Variants in NTSR1 observed in about 807,000 individuals in gnomAD.
NTSR1 encodes the protein neurotensin receptor type 1.
NTSR1 carries 29 observed loss-of-function variants against 31.2 expected under a neutral mutation model. The observed-to-expected ratio is 0.93, with a 90% CI of 0.69 to 1.27. The LOEUF is 1.27. Ranked by LOEUF, NTSR1 falls within the 50% of genes most tolerant of loss-of-function variation. NTSR1 has a pLI of 0.00. For synonymous variants in NTSR1, 282 were observed against 269.9 expected, an observed-to-expected ratio of 1.04 and a Z score of -0.44; for missense variants, 697 against 595.4, an observed-to-expected ratio of 1.17 and a Z score of -1.78.
chr20:62,738,691 G>A (rs115330306), intron 1 of NTSR1, among the ~76,000 whole-genome samples: 6,359 of 152,312 alleles, frequency 0.042, 163 homozygotes, highest in African/African-American at 0.051. Flanking sequence ...TTCTGCCCGC[G>A]GGGTTAGCAT....
In NTSR1 at chr20:62,743,792, TGC is replaced by T. The variant is rs1368302627; in HGVS notation, c.715-10892_715-10891del. Among the ~76,000 whole-genome samples the T allele has an allele frequency of 6.7e-4, 102 of 152,332 alleles. 1 individual carries two copies. Among genetic ancestry groups the T allele is most frequent in the African/African-American group, 1.6e-3 (65 of 41,578 alleles). ...AAAGGCAGAATACAAAACAAGCAAT[TGC>T]TCTCGAAGAGCGAGGTGAGAACGCC... On this transcript the variant is annotated intron_variant, in intron 1 of 3. Transcript: ENST00000370501. This position sits in a 1 kb window ranked among gnomAD's most constrained non-coding sequence, Gnocchi z 7.5.
rs11698783 is a variant in NTSR1, at chr20:62,709,422, C to T, written c.215C>T (p.Ala72Val). The T allele has an allele frequency of 9.8e-3, 15,735 of 1,611,788 alleles. 105 individuals carry two copies. Among genetic ancestry groups the T allele is most frequent in the Non-Finnish European group, 0.012 (14,405 of 1,179,162 alleles). Residue 72 changes from alanine to valine, a missense_variant, in exon 1 of 4, where the codon GCG (alanine) becomes GTG (valine). Coordinates refer to ENST00000370501, the MANE Select transcript of NTSR1 (RefSeq NM_002531.3). ...SKVLVTAVYL[A>V]LFVVGTVGNT... Reference sequence around the variant, plus strand: ...GTGCTGGTGACCGCCGTGTACCTGGCGCTCTTCGTGGTGGGCACGGTGGGC... The same window carrying T: ...GTGCTGGTGACCGCCGTGTACCTGGTGCTCTTCGTGGTGGGCACGGTGGGC...
chr20:62,709,232 G>A lies in NTSR1; in HGVS notation c.25G>A (p.Gly9Arg), dbSNP rs763467302. 186 of 1,491,938 alleles carry A rather than the reference G, an allele frequency of 1.2e-4. No individual in the cohort carries two copies. The highest frequency in any genetic ancestry group is 9.6e-4 in the Admixed American group (42 of 43,800). The allele number at this position is 1,491,938 out of a possible 1,614,324, so 92.4% of individuals were successfully genotyped here. Reference sequence around the variant, plus strand: ...CATGCGCCTCAACAGCTCCGCGCCGGGAACCCCGGGCACGCCGGCCGCCGA... The same window carrying A: ...CATGCGCCTCAACAGCTCCGCGCCGAGAACCCCGGGCACGCCGGCCGCCGA... MRLNSSAPGTPGTPAADPF... is the reference protein window; with the variant it reads MRLNSSAPRTPGTPAADPF... The change falls in exon 1 of 4, where the codon GGA (glycine) becomes AGA (arginine). Residue 9 changes from glycine (G) to arginine (R), a missense_variant. Coordinates refer to ENST00000370501, the MANE Select transcript of NTSR1 (RefSeq NM_002531.3).
intron 1 of NTSR1, among the ~76,000 whole-genome samples, chr20:62,740,805 G>A (rs1466277209): frequency 6.6e-6 from 1 of 152,254 alleles, no homozygotes; most frequent in Non-Finnish European, 1.5e-5. Context: ...CAGATGCCTT[G>A]TGGGTGTGAG....
intron 1 of NTSR1, among the ~76,000 whole-genome samples, chr20:62,718,455 C>T (rs1391904523): frequency 2.0e-5 from 3 of 152,130 alleles, no homozygotes; most frequent in Non-Finnish European, 2.9e-5. Context: ...TGTGCTTGTT[C>T]GCACCTATGA....
chr20:62,750,681 A>C (rs1291396161), intron 1 of NTSR1, among the ~76,000 whole-genome samples: 1 of 129,800 alleles, frequency 7.7e-6, no homozygotes, highest in Non-Finnish European at 1.6e-5. Context: ...ACAGAGCGAG[A>C]CTCCGTCTCA....
chr20:62,726,991 C>G (rs1988918091), intron 1 of NTSR1, among the ~76,000 whole-genome samples: 1 of 152,218 alleles, frequency 6.6e-6, no homozygotes, highest in Non-Finnish European at 1.5e-5. Context: ...CAACCGTGGC[C>G]TTGGATGAAA....
chr20:62,757,003 G>A (rs1989524675), intron 2 of NTSR1, among the ~76,000 whole-genome samples: 1 of 152,156 alleles, frequency 6.6e-6, no homozygotes, highest in Admixed American at 6.5e-5. Flanking sequence ...GATGTGATTT[G>A]CAAATATTTT....
At chr20:62,749,570 A>G (rs557344314) in intron 1 of NTSR1, among the ~76,000 whole-genome samples, 1 of 152,354 alleles carries the variant, frequency 6.6e-6, no homozygotes, top group South Asian at 2.1e-4. Context: ...CAAAAGAAAC[A>G]GCAAAACGAA....
At chr20:62,719,123 C>CAAA (rs34268973) in intron 1 of NTSR1, among the ~76,000 whole-genome samples, 1 of 142,388 alleles carries the variant, frequency 7.0e-6, no homozygotes, top group African/African-American at 2.6e-5. Flanking sequence ...TTTTTTCTTT[C>CAAA]AAAAAAAAAA....
Position 62,709,634 on chromosome 20 carries a change from G to C in NTSR1, c.427G>C (p.Gly143Arg). The C allele has an allele frequency of 6.2e-7, 1 of 1,612,310 alleles. No individual in the cohort carries two copies. The highest frequency in any genetic ancestry group is 8.5e-7 in the Non-Finnish European group (1 of 1,179,924). Residue 143 changes from glycine (G) to arginine (R), a missense_variant, in exon 1 of 4, where the codon GGC becomes CGC. Physicochemically the swap from Gly to Arg is moderately radical, Grantham distance 125 (BLOSUM62 -2). Coordinates refer to ENST00000370501, the MANE Select transcript of NTSR1 (RefSeq NM_002531.3). ...GGCCTTCGGCGACGCCGGCTGCCGC[G>C]GCTACTACTTCCTGCGCGACGCCTG... is the stretch of plus-strand genomic sequence containing the variant. Reference protein sequence around the residue: ...PWAFGDAGCRGYYFLRDACTY... With the variant: ...PWAFGDAGCRRYYFLRDACTY...
In NTSR1 at chr20:62,754,944, C is replaced by A. The variant is rs6011192; in HGVS notation, c.916+58C>A. 2.2e-3 allele frequency: 3,270 copies of A among 1,471,204 alleles called. 54 individuals carry two copies. In the African/African-American group the frequency reaches 0.04, roughly 18 times the overall value. The allele number at this position is 1,471,204 out of a possible 1,614,324, so 91.1% of individuals were successfully genotyped here. On this transcript the variant is annotated intron_variant, in intron 2 of 3. Transcript: ENST00000370501. ...GGCAGGCCAGGGCTAGCAAAGGCAG[C>A]GAGCGCTGAACCACCCCAAGCCTGG...
chr20:62,725,809 T>G, intron 1 of NTSR1, among the ~76,000 whole-genome samples: 23 of 145,924 alleles, frequency 1.6e-4, no homozygotes, highest in South Asian at 4.4e-4. Context: ...AGAAGGGAGG[T>G]GGAAGAAGGG....
intron 1 of NTSR1, among the ~76,000 whole-genome samples, chr20:62,728,615 G>A (rs1246429790): frequency 6.6e-6 from 1 of 152,242 alleles, no homozygotes; most frequent in Non-Finnish European, 1.5e-5. Context: ...GGGCCACGGT[G>A]TCTGCGGAAG....
rs1212900462 is a variant in NTSR1, at chr20:62,745,596, C to G, written c.715-9089C>G. On this transcript the variant is annotated intron_variant, in intron 1 of 3. Coordinates refer to ENST00000370501, the MANE Select transcript of NTSR1 (RefSeq NM_002531.3). The surrounding 1 kb of genome is among the most constrained non-coding windows in gnomAD (Gnocchi z 4.1). ...AGACAGACACAGGAAGGAAAACATA[C>G]AAGGAGACAGAGACACAGAAAAACA... Among the ~76,000 whole-genome samples, 1 of 151,652 alleles carries G rather than the reference C, an allele frequency of 6.6e-6. No individual in the cohort carries two copies. Among genetic ancestry groups the G allele is most frequent in the Non-Finnish European group, 1.5e-5 (1 of 68,008 alleles).
Position 62,733,254 on chromosome 20 carries a change from C to T in NTSR1, c.715-21431C>T, listed in dbSNP as rs1989031972. On this transcript the variant is annotated intron_variant, in intron 1 of 3. Coordinates refer to ENST00000370501, the MANE Select transcript of NTSR1 (RefSeq NM_002531.3). The surrounding 1 kb of genome is among the most constrained non-coding windows in gnomAD (Gnocchi z 5.2). ...GCATCCCGGTCCCCGCAGGGCCACC[C>T]TGGAGGCACCTCTGCACCTCCCAGG... 6.6e-6 allele frequency: 1 copy of T among 152,230 alleles called. No homozygotes were observed. The highest frequency in any genetic ancestry group is 1.5e-5 in the Non-Finnish European group (1 of 68,052). 9.4% of individuals were successfully genotyped at this position (152,230 alleles called of 1,614,324 possible). A position where few individuals can be genotyped will look rare whatever the true frequency, so the allele number is the denominator to read the frequency against.
At chr20:62,746,171 C>G (rs1989297631) in intron 1 of NTSR1, among the ~76,000 whole-genome samples, 1 of 152,190 alleles carries the variant, frequency 6.6e-6, no homozygotes, top group Non-Finnish European at 1.5e-5. Context: ...CCCACACTAC[C>G]CCAGCCTGGC....
At chr20:62,720,535 C>T (rs190026864) in intron 1 of NTSR1, among the ~76,000 whole-genome samples, 19 of 152,200 alleles carry the variant, frequency 1.2e-4, no homozygotes, top group African/African-American at 4.1e-4. Flanking sequence ...TCTCTTTTCT[C>T]CTTGGGCAAT....
intron 1 of NTSR1, among the ~76,000 whole-genome samples, chr20:62,753,577 G>A (rs900926439): frequency 1.3e-5 from 2 of 152,324 alleles, no homozygotes; most frequent in East Asian, 1.9e-4. Context: ...TGAGGATCCC[G>A]GGCAGCTTGG....
Sources: allele counts gnomAD v4.1 joint callset (sites outside exome capture counted in the v4.1 genomes callset), GRCh38; gene constraint gnomAD v4.1.1; non-coding constraint Gnocchi (gnomAD v3.1); transcripts MANE v1.5; gene names NCBI Gene and HGNC (gene_info 2026-07-23, HGNC 2026-07-21).